The following ZNF462 variants were observed in gnomAD, a reference collection of about 807,000 sequenced individuals.
ZNF462 encodes zinc finger PBX1-interacting protein.
ZNF462 carries 10 observed loss-of-function variants against 201.9 expected under a neutral mutation model. The ratio of observed to expected loss-of-function variants is 0.05; its 90% confidence interval spans 0.03 to 0.08. The LOEUF (loss-of-function observed/expected upper bound fraction) is 0.08. ZNF462 is among the 10% of genes least tolerant of loss of function. The probability of loss-of-function intolerance (pLI) is 1.00; values close to 1 mark genes in which losing one functional copy is unlikely to be tolerated. For synonymous variants in ZNF462, 1,227 were observed against 1,193.3 expected (o/e 1.03, Z -0.58); for missense variants, 2,523 against 3,168.3 (o/e 0.80, Z 4.89).
At position 107,003,450 on chromosome 9, in the gene ZNF462, A is replaced by G. The variant is rs1368939300; in HGVS notation, c.7189+24A>G. 6 of 1,611,488 alleles carry G rather than the reference A, an allele frequency of 3.7e-6. No homozygotes were observed. The highest frequency in any genetic ancestry group is 5.1e-6 in the Non-Finnish European group (6 of 1,179,050). On this transcript the variant is annotated intron_variant, in intron 11 of 12. Transcript: ENST00000277225. The surrounding 1 kb of genome is among the most constrained non-coding windows in gnomAD (Gnocchi z 4.4). Reference sequence around the variant, plus strand: ...AGGTTAGTCTCATCCTGCCCTCCCAATCCCAGATGGCATCTGGCATGTCCG... The same window carrying G: ...AGGTTAGTCTCATCCTGCCCTCCCAGTCCCAGATGGCATCTGGCATGTCCG...
At position 106,926,849 on chromosome 9, in the gene ZNF462, G is replaced by A. The variant is rs776944163; in HGVS notation, c.2937G>A (p.Glu979=). The part of the protein sequence containing the change: ...GLNTESQTLR[E]ILNSAPKNMA... ...ATACAGAATCCCAGACCCTGAGGGA[G>A]ATTCTGAATTCGGCTCCCAAGAACA... The change falls in exon 3 of 13, where the codon GAG becomes GAA. Residue 979 remains glutamate, a synonymous_variant. Transcript: ENST00000277225. The surrounding 1 kb of genome is among the most constrained non-coding windows in gnomAD (Gnocchi z 7.9). The A allele has an allele frequency of 2.5e-6, 4 of 1,614,048 alleles. No homozygotes were observed. The highest frequency in any genetic ancestry group is 2.7e-5 in the African/African-American group (2 of 74,932).
chr9:106,873,437 G>T (rs995662866), intron 1 of ZNF462, among the ~76,000 whole-genome samples: 9 of 151,866 alleles, frequency 5.9e-5, no homozygotes, highest in East Asian at 1.9e-4. Context: ...TGTAGAAAAG[G>T]TGTTGTACTT....
Position 106,876,923 on chromosome 9 carries a change from C to T in ZNF462, c.-31+13568C>T, listed in dbSNP as rs76773378. Among the ~76,000 whole-genome samples the T allele has an allele frequency of 0.042, 6,341 of 152,296 alleles. 179 individuals are homozygous for T. The highest frequency in any genetic ancestry group is 0.067 in the Non-Finnish European group (4,525 of 68,038). ...CTCTTAGCCAGTTTGAGGACTGCCC[C>T]ATAGCCTGGCTTAGAAATGCTTTGG... On this transcript the variant is annotated intron_variant, in intron 1 of 12. Transcript: ENST00000277225. The surrounding 1 kb of genome is among the most constrained non-coding windows in gnomAD (Gnocchi z 4.9).
At position 107,012,834 on chromosome 9, in the gene ZNF462, C is replaced by G. The variant is rs1830002869; in HGVS notation, c.*1804C>G. On this transcript the variant is annotated 3_prime_UTR_variant, in exon 13 of 13. Transcript: ENST00000277225. ...AAATAAAATCCATGGAAAGATGTTG[C>G]ATTTGTGGAATAAGTGCTTACTTGA... 1 of 151,250 alleles carries G rather than the reference C, an allele frequency of 6.6e-6. No individual in the cohort carries two copies. Among genetic ancestry groups the G allele is most frequent in the Non-Finnish European group, 1.5e-5 (1 of 67,898 alleles). The allele number at this position is 151,250 out of a possible 1,614,324, so 9.4% of individuals were successfully genotyped here. A position where few individuals can be genotyped will look rare whatever the true frequency, so the allele number is the denominator to read the frequency against.
intron 1 of ZNF462, among the ~76,000 whole-genome samples, chr9:106,866,178 T>C (rs1467756583): frequency 2.6e-5 from 4 of 152,228 alleles, no homozygotes; most frequent in African/African-American, 9.6e-5. Flanking sequence ...TCAACAGAAA[T>C]AAGGAACACA....
chr9:106,887,600 C>T (rs910347988), intron 1 of ZNF462, among the ~76,000 whole-genome samples: 6 of 152,142 alleles, frequency 3.9e-5, no homozygotes, highest in Admixed American at 1.3e-4. Context: ...CTCAAGGTAA[C>T]GAAGTTGTTT....
chr9:106,947,099 C>T (rs367755450), intron 7 of ZNF462, among the ~76,000 whole-genome samples: 2 of 152,306 alleles, frequency 1.3e-5, no homozygotes, highest in East Asian at 3.9e-4. Flanking sequence ...TGCTTGCTCT[C>T]TGCTGGATTC....
Position 106,984,426 on chromosome 9 carries a change from C to T in ZNF462, c.7056+17C>T. 1.3e-6 allele frequency: 2 copies of T among 1,595,424 alleles called. No homozygotes were observed. Among genetic ancestry groups the T allele is most frequent in the African/African-American group, 1.3e-5 (1 of 74,646 alleles). On this transcript the variant is annotated intron_variant, in intron 10 of 12. Coordinates refer to ENST00000277225, the MANE Select transcript of ZNF462 (RefSeq NM_021224.6). This position sits in a 1 kb window ranked among gnomAD's most constrained non-coding sequence, Gnocchi z 6.4. ...GAGCATAAGGTACTTACCAGGACTTCCTGCTCCCGCCTCAGCACACTTGTG... is the reference window on the plus strand; with the variant it reads ...GAGCATAAGGTACTTACCAGGACTTTCTGCTCCCGCCTCAGCACACTTGTG...
chr9:106,945,335 C>T (rs1384298825), intron 7 of ZNF462, among the ~76,000 whole-genome samples: 2 of 152,164 alleles, frequency 1.3e-5, no homozygotes, highest in African/African-American at 2.4e-5. Flanking sequence ...TGCTTGACAA[C>T]TAAAAAATTA....
Position 106,886,319 on chromosome 9 carries a change from TG to T in ZNF462, c.-31+22965del, listed in dbSNP as rs1828315017. Among the ~76,000 whole-genome samples the T allele has an allele frequency of 6.6e-6, 1 of 152,240 alleles. No individual in the cohort carries two copies. The highest frequency in any genetic ancestry group is 2.4e-5 in the African/African-American group (1 of 41,466). On this transcript the variant is annotated intron_variant, in intron 1 of 12. Coordinates refer to ENST00000277225, the MANE Select transcript of ZNF462 (RefSeq NM_021224.6). The surrounding 1 kb of genome is among the most constrained non-coding windows in gnomAD (Gnocchi z 4.6). The stretch of plus-strand genomic sequence containing the variant: ...GTAGATCCAAAATTATTTTAAAGTT[TG>T]AAGTGTCTTTCTGTTAGCTGTGTGA...
rs1300239729 is a variant in ZNF462 at position 106,970,088 on chromosome 9, A to G, written c.6428-1917A>G. Among the ~76,000 whole-genome samples, 3 of 152,258 alleles carry G rather than the reference A, an allele frequency of 2.0e-5. No individual in the cohort carries two copies. The highest frequency in any genetic ancestry group is 2.9e-5 in the Non-Finnish European group (2 of 68,048). On this transcript the variant is annotated intron_variant, in intron 7 of 12. Transcript: ENST00000277225. This position sits in a 1 kb window ranked among gnomAD's most constrained non-coding sequence, Gnocchi z 4.2. Reference sequence around the variant, plus strand: ...AGAAGAATGAAAAGTTGACAATTGCATTATTGTGATCCAGAGTGGGTTCAT... The same window carrying G: ...AGAAGAATGAAAAGTTGACAATTGCGTTATTGTGATCCAGAGTGGGTTCAT...
chr9:106,903,144 C>T lies in ZNF462; in HGVS notation c.-30-20210C>T, dbSNP rs183870717. ...TTTTGATAGGTTGTGTCATTAAGTT[C>T]GAAGAATTTTTAAATTTCCATCTTG... On this transcript the variant is annotated intron_variant, in intron 1 of 12. Coordinates refer to ENST00000277225, the MANE Select transcript of ZNF462 (RefSeq NM_021224.6). Among the ~76,000 whole-genome samples, 174 of 152,010 alleles carry T rather than the reference C, an allele frequency of 1.1e-3. 1 individual carries two copies. The highest frequency in any genetic ancestry group is 7.7e-4 in the East Asian group (4 of 5,182).
chr9:106,948,094 G>A (rs1024603605), intron 7 of ZNF462, among the ~76,000 whole-genome samples: 3 of 152,178 alleles, frequency 2.0e-5, no homozygotes, highest in Non-Finnish European at 4.4e-5. Flanking sequence ...TGAAGGGTGA[G>A]TGGATGTATG....
In ZNF462 at chr9:107,005,773, A is replaced by AGCTTT. The variant is rs1236083226; in HGVS notation, c.7189+2348_7189+2352dup. ...ATCATTGCCCAGACCAATGTCATGG[A>AGCTTT]GCTTTTCCCCTTTGTTTTTGTCTAG... is the stretch of plus-strand genomic sequence containing the variant. On this transcript the variant is annotated intron_variant, in intron 11 of 12. Transcript: ENST00000277225. This position sits in a 1 kb window ranked among gnomAD's most constrained non-coding sequence, Gnocchi z 4.4. 1.3e-5 allele frequency among the ~76,000 whole-genome samples: 2 copies of AGCTTT among 152,134 alleles called. No homozygotes were observed. The highest frequency in any genetic ancestry group is 4.8e-5 in the African/African-American group (2 of 41,424).
intron 10 of ZNF462, among the ~76,000 whole-genome samples, chr9:107,001,830 T>C (rs927775580): frequency 1.3e-5 from 2 of 152,114 alleles, no homozygotes; most frequent in Non-Finnish European, 2.9e-5. Flanking sequence ...TCCACCCCCA[T>C]GTTGAGTTGT....
At chr9:106,918,795 C>G (rs940301856) in intron 1 of ZNF462, among the ~76,000 whole-genome samples, 5 of 152,110 alleles carry the variant, frequency 3.3e-5, no homozygotes, top group African/African-American at 1.2e-4. Context: ...CTGAACTATT[C>G]CAGAATTTAT....
Position 106,920,661 on chromosome 9 carries a change from T to C in ZNF462, c.-30-2693T>C, listed in dbSNP as rs1829954496. ...CTGATCTCATAACCCTTTAATCTCC[T>C]TTGTAGCAGAACAAGGAGATTGTTA... On this transcript the variant is annotated intron_variant, in intron 1 of 12. Coordinates refer to ENST00000277225, the MANE Select transcript of ZNF462 (RefSeq NM_021224.6). This position sits in a 1 kb window ranked among gnomAD's most constrained non-coding sequence, Gnocchi z 4.3. 6.6e-6 allele frequency among the ~76,000 whole-genome samples: 1 copy of C among 152,216 alleles called. No homozygotes were observed. Among genetic ancestry groups the C allele is most frequent in the South Asian group, 2.1e-4 (1 of 4,832 alleles).
rs781592727 is a variant in ZNF462 at position 106,902,911 on chromosome 9, G to C, written c.-30-20443G>C. Among the ~76,000 whole-genome samples the C allele has an allele frequency of 6.6e-6, 1 of 151,350 alleles. No individual in the cohort carries two copies. The highest frequency in any genetic ancestry group is 6.6e-5 in the Admixed American group (1 of 15,204). On this transcript the variant is annotated intron_variant, in intron 1 of 12. Transcript: ENST00000277225. This position sits in a 1 kb window ranked among gnomAD's most constrained non-coding sequence, Gnocchi z 4.2. Reference sequence around the variant, plus strand: ...TTTATCTTTTGTGTTTTTTTTGTTTGTTTGTTTGAATTTCATTTAGTTTTG... The same window carrying C: ...TTTATCTTTTGTGTTTTTTTTGTTTCTTTGTTTGAATTTCATTTAGTTTTG...
In ZNF462 at chr9:107,010,879, T is replaced by C. The variant is rs779880577; in HGVS notation, c.7370T>C (p.Met2457Thr). 198 of 1,613,338 alleles carry C rather than the reference T, an allele frequency of 1.2e-4. No homozygotes were observed. Among genetic ancestry groups the C allele is most frequent in the Non-Finnish European group, 1.6e-4 (183 of 1,179,738 alleles). ...GAAGAAATCCACCCAAAAGAGATCA[T>C]GGAGAACAGTGTTAAAATGCCCTCC... ...SREEIHPKEI[M>T]ENSVKMPSIE... is the part of the protein sequence containing the mutation. Residue 2457 changes from methionine (M) to threonine (T), a missense_variant, in exon 13 of 13, where the codon ATG becomes ACG. By Grantham distance (81) the Met-to-Thr change is moderately conservative. Transcript: ENST00000277225. The surrounding 1 kb of genome is among the most constrained non-coding windows in gnomAD (Gnocchi z 4.6).
Sources: gnomAD v4.1 joint callset for allele counts (sites outside exome capture counted in the v4.1 genomes callset) on GRCh38, gnomAD v4.1.1 for gene constraint, Gnocchi (gnomAD v3.1) non-coding constraint, MANE v1.5 for transcripts, NCBI Gene and HGNC (gene_info 2026-07-23, HGNC 2026-07-21) for gene names.